MTFR1: variants seen among roughly 807,000 people sequenced by gnomAD.
The protein encoded by MTFR1 is mitochondrial fission regulator 1.
In MTFR1, 28 loss-of-function variants were observed where a neutral mutation model predicts 38.8. The observed-to-expected ratio is 0.72, with a 90% CI of 0.53 to 0.99. The LOEUF (loss-of-function observed/expected upper bound fraction) is 0.99, where lower values mean the gene tolerates loss of function less well. Ranked by LOEUF, MTFR1 falls within the 50% of genes least tolerant of loss-of-function variation. The pLI is 0.00. For missense variants in MTFR1, 358 were observed against 395.5 expected (o/e 0.91, Z 0.81); for synonymous variants, 145 against 137.0 (o/e 1.06, Z -0.41).
intron 3 of MTFR1, among the ~76,000 whole-genome samples, chr8:65,689,805 CT>C (rs1484273482): frequency 6.6e-6 from 1 of 151,808 alleles, no homozygotes; most frequent in African/African-American, 2.4e-5. Flanking sequence ...CTGAAACGGC[CT>C]TTTATAAAGA....
At chr8:65,662,485 A>C (rs1202952948) in intron 1 of MTFR1, among the ~76,000 whole-genome samples, 1 of 149,774 alleles carries the variant, frequency 6.7e-6, no homozygotes, top group Non-Finnish European at 1.5e-5. Flanking sequence ...TGGCCCCCCA[A>C]AGTGCGGAGA....
intron 3 of MTFR1, among the ~76,000 whole-genome samples, chr8:65,746,436 A>G (rs1370396344): frequency 6.6e-6 from 1 of 152,168 alleles, no homozygotes; most frequent in Admixed American, 6.5e-5. Flanking sequence ...ATGGATATGT[A>G]TTTATATTAT....
rs113066471 is a variant in MTFR1 at position 65,669,064 on chromosome 8, C to A, written c.-80-809C>A. ...GCCTTTCAGCATCTGAATTTCTGTT[C>A]TGTATTTCTGGAATTCATTCCTTTA... On this transcript the variant is annotated intron_variant, in intron 1 of 7. Transcript: ENST00000262146. Among the ~76,000 whole-genome samples, 1,251 of 152,250 alleles carry A rather than the reference C, an allele frequency of 8.2e-3. 10 individuals carry two copies. The highest frequency in any genetic ancestry group is 0.024 in the South Asian group (118 of 4,818).
At chr8:65,675,715 G>A (rs1804692881) in intron 2 of MTFR1, among the ~76,000 whole-genome samples, 1 of 152,170 alleles carries the variant, frequency 6.6e-6, no homozygotes. Context: ...AGCATAGAGG[G>A]GTGAATAATT....
intron 1 of MTFR1, among the ~76,000 whole-genome samples, 193 bp downstream of exon 1, chr8:65,644,977 T>A (rs1336654002): frequency 6.6e-6 from 1 of 152,156 alleles, no homozygotes; most frequent in Non-Finnish European, 1.5e-5. Flanking sequence ...AGAGACTGCC[T>A]CGGCTGAGGG....
chr8:65,720,756 AAG>A (rs1806339576), intron 3 of MTFR1, among the ~76,000 whole-genome samples: 1 of 152,228 alleles, frequency 6.6e-6, no homozygotes, highest in African/African-American at 2.4e-5. Context: ...GGTGAGGAGA[AAG>A]AGATAACAAA....
At chr8:65,745,370 A>G in intron 3 of MTFR1, 1 of 1,171,292 alleles carries the variant, frequency 8.5e-7, no homozygotes. Context: ...AGTAATCTAG[A>G]CTACATTAAC....
intron 1 of MTFR1, among the ~76,000 whole-genome samples, chr8:65,662,334 G>T (rs1170176751): frequency 6.6e-6 from 1 of 151,998 alleles, no homozygotes; most frequent in African/African-American, 2.4e-5. Flanking sequence ...TCCTAACCGC[G>T]AGTGATCCGC....
At chr8:65,763,426 G>A (rs531590717) in intron 3 of MTFR1, among the ~76,000 whole-genome samples, 21 of 152,176 alleles carry the variant, frequency 1.4e-4, no homozygotes, top group South Asian at 1.0e-3. Context: ...TTAGCTGGGC[G>A]TGGTGGCGCA....
chr8:65,745,318 C>A (rs74936999), intron 3 of MTFR1: 18,970 of 786,490 alleles, frequency 0.024, 711 homozygotes, highest in African/African-American at 0.14. Context: ...AACCTTAGTA[C>A]AGTAAATGAA....
At chr8:65,693,013 G>A (rs557469035) in intron 3 of MTFR1, among the ~76,000 whole-genome samples, 7 of 149,628 alleles carry the variant, frequency 4.7e-5, no homozygotes, top group Non-Finnish European at 1.0e-4. Flanking sequence ...TATACCCCCC[G>A]CCTACACATA....
chr8:65,707,250 TGAAGA>T lies in MTFR1; in HGVS notation c.760_764del (p.Lys254ValfsTer14), dbSNP rs1394588460. On this transcript the variant is annotated frameshift_variant and splice_region_variant, in exon 6 of 8. Transcript: ENST00000262146. LOFTEE classifies it high-confidence loss of function. ...ATGAACAGTGTAAAACTTCGGTCAG[TGAAGA>T]GGTGAGGATACATTCACCTTCTTTC... The T allele has an allele frequency of 6.2e-7, 1 of 1,613,806 alleles. No individual in the cohort carries two copies. Among genetic ancestry groups the T allele is most frequent in the South Asian group, 1.1e-5 (1 of 91,004 alleles).
At chr8:65,694,174 A>T (rs1329933720) in intron 4 of MTFR1, among the ~76,000 whole-genome samples, 3 of 151,082 alleles carry the variant, frequency 2.0e-5, no homozygotes, top group Non-Finnish European at 2.9e-5. Context: ...TCACAGGTTC[A>T]AGCGATTCTC....
At chr8:65,748,348 C>G (rs1193299004) in intron 3 of MTFR1, among the ~76,000 whole-genome samples, 1 of 152,042 alleles carries the variant, frequency 6.6e-6, no homozygotes, top group Non-Finnish European at 1.5e-5. Flanking sequence ...TGGTTTATAT[C>G]CTGTAAGTGT....
intron 3 of MTFR1, among the ~76,000 whole-genome samples, chr8:65,740,836 T>C (rs1412111556): frequency 6.6e-6 from 1 of 152,170 alleles, no homozygotes; most frequent in African/African-American, 2.4e-5. Flanking sequence ...AGCATCAGCA[T>C]TCAGACATGT....
At chr8:65,657,183 T>G (rs1157613649) in intron 1 of MTFR1, among the ~76,000 whole-genome samples, 2 of 151,922 alleles carry the variant, frequency 1.3e-5, no homozygotes, top group Non-Finnish European at 2.9e-5. Flanking sequence ...CCAGCTAATT[T>G]TGTATTTTCC....
downstream of MTFR1, among the ~76,000 whole-genome samples, chr8:65,771,488 A>T (rs1585904182): frequency 6.6e-6 from 1 of 152,150 alleles, no homozygotes; most frequent in African/African-American, 2.4e-5. Flanking sequence ...GTTGATATCG[A>T]TCTCCCTCTA....
At chr8:65,659,957 C>T (rs76113741) in intron 1 of MTFR1, among the ~76,000 whole-genome samples, 6,211 of 152,144 alleles carry the variant, frequency 0.041, 466 homozygotes, top group African/African-American at 0.14. Flanking sequence ...ACATCTTTTC[C>T]TGGCAAATAA....
intron 1 of MTFR1, among the ~76,000 whole-genome samples, chr8:65,649,115 T>A (rs575201620): frequency 6.6e-6 from 1 of 152,008 alleles, no homozygotes; most frequent in Admixed American, 6.6e-5. Context: ...TTACAAGTAA[T>A]CTACAGATGA....
Sources: allele counts gnomAD v4.1 joint callset (sites outside exome capture counted in the v4.1 genomes callset), GRCh38; gene constraint gnomAD v4.1.1; transcripts MANE v1.5; gene names NCBI Gene and HGNC (gene_info 2026-07-23, HGNC 2026-07-21).